Variants in CCDC126 observed in about 807,000 individuals in gnomAD.
The protein encoded by CCDC126 is coiled-coil domain containing 126, also known as coiled-coil domain-containing protein 126.
A neutral mutation model predicts 11.7 loss-of-function variants in CCDC126; 5 were observed. The observed-to-expected ratio is 0.43, with a 90% CI of 0.22 to 0.90. CCDC126 has a LOEUF of 0.90. Ranked by LOEUF, CCDC126 falls within the 40% of genes least tolerant of loss-of-function variation. CCDC126 has a pLI of 0.27. For synonymous variants in CCDC126, 60 were observed against 61.9 expected (o/e 0.97, Z 0.14); for missense variants, 150 against 163.1 (o/e 0.92, Z 0.44).
intron 2 of CCDC126, among the ~76,000 whole-genome samples, chr7:23,600,788 T>C (rs796671335): frequency 6.6e-6 from 1 of 152,220 alleles, no homozygotes; most frequent in South Asian, 2.1e-4. Context: ...TTTGTGTTTT[T>C]AATATTGCTG....
At chr7:23,622,125 T>A (rs1410339119) in intron 3 of CCDC126, among the ~76,000 whole-genome samples, 1 of 152,228 alleles carries the variant, frequency 6.6e-6, no homozygotes, top group Non-Finnish European at 1.5e-5. Context: ...TCCCCCTTTT[T>A]CAGTTGATTG....
Position 23,611,465 on chromosome 7 carries a change from A to C in CCDC126, c.150A>C (p.Leu50=), listed in dbSNP as rs1425208210. Residue 50 remains leucine (L), a synonymous_variant, in exon 3 of 4, where the codon CTA becomes CTC. Transcript: ENST00000307471. ...GTGTCAAGTTACGTGAGCAAATACTAGACTTAAGCAAAAGATATGTTAAAG... is the reference window on the plus strand; with the variant it reads ...GTGTCAAGTTACGTGAGCAAATACTCGACTTAAGCAAAAGATATGTTAAAG... ...QSSVKLREQI[L]DLSKRYVKAL... is the part of the protein sequence containing the mutation. 6.2e-7 allele frequency: 1 copy of C among 1,614,070 alleles called. No individual in the cohort carries two copies. Among genetic ancestry groups the C allele is most frequent in the South Asian group, 1.1e-5 (1 of 91,086 alleles).
intron 3 of CCDC126, among the ~76,000 whole-genome samples, chr7:23,623,945 G>A (rs1782971199): frequency 6.6e-6 from 1 of 152,092 alleles, no homozygotes; most frequent in African/African-American, 2.4e-5. Flanking sequence ...CCAGAACTTT[G>A]CACCTAGTCC....
intron 2 of CCDC126, 21 bp from the exon 3 acceptor site, chr7:23,611,150 T>G (rs1296191989): frequency 3.5e-6 from 2 of 578,198 alleles, no homozygotes; most frequent in African/African-American, 3.7e-5. Flanking sequence ...ACTAATACTG[T>G]TTTTCTTCTT....
At chr7:23,632,798 C>T (rs1288618280) in intron 3 of CCDC126, among the ~76,000 whole-genome samples, 1 of 152,184 alleles carries the variant, frequency 6.6e-6, no homozygotes, top group Non-Finnish European at 1.5e-5. Flanking sequence ...GAAAGTCAAT[C>T]TCAGAATTCC....
intron 3 of CCDC126, among the ~76,000 whole-genome samples, chr7:23,627,864 T>C (rs1036439517): frequency 1.3e-5 from 2 of 152,128 alleles, no homozygotes; most frequent in African/African-American, 2.4e-5. Flanking sequence ...GTTCTGGGAT[T>C]GCAGGTATGA....
intron 3 of CCDC126, among the ~76,000 whole-genome samples, chr7:23,619,111 T>A (rs1305651640): frequency 1.3e-5 from 2 of 152,154 alleles, no homozygotes; most frequent in Non-Finnish European, 2.9e-5. Flanking sequence ...CCTCAACTGC[T>A]CTATCCCCTT....
chr7:23,600,013 G>C (rs1782507340), intron 2 of CCDC126, among the ~76,000 whole-genome samples: 1 of 152,136 alleles, frequency 6.6e-6, no homozygotes, highest in African/African-American at 2.4e-5. Context: ...TTGAATGCCT[G>C]ACCTCAAGTG....
intron 3 of CCDC126, among the ~76,000 whole-genome samples, chr7:23,618,036 G>T (rs1782824412): frequency 6.6e-6 from 1 of 152,192 alleles, no homozygotes; most frequent in South Asian, 2.1e-4. Context: ...GCCAAAGGGA[G>T]ATACGCATAG....
At chr7:23,637,494 C>A (rs1783253417) in intron 3 of CCDC126, among the ~76,000 whole-genome samples, 1 of 90,996 alleles carries the variant, frequency 1.1e-5, no homozygotes. Context: ...GGGTCAGCCC[C>A]CCGCCCGGCC....
intron 2 of CCDC126, among the ~76,000 whole-genome samples, chr7:23,605,819 T>C (rs1171411428): frequency 6.6e-6 from 1 of 152,208 alleles, no homozygotes; most frequent in Non-Finnish European, 1.5e-5. Flanking sequence ...ATTTCTTTTG[T>C]GTATATATCC....
intron 3 of CCDC126, among the ~76,000 whole-genome samples, chr7:23,612,141 G>C (rs1404218233): frequency 7.6e-6 from 1 of 131,706 alleles, no homozygotes; most frequent in Non-Finnish European, 1.6e-5. Flanking sequence ...GCAAGACTCC[G>C]TCTCAAAAAA....
At chr7:23,614,618 T>G (rs1782767034) in intron 3 of CCDC126, among the ~76,000 whole-genome samples, 1 of 152,204 alleles carries the variant, frequency 6.6e-6, no homozygotes, top group South Asian at 2.1e-4. Context: ...TCTGGCCTTA[T>G]GGAATGTATT....
chr7:23,605,568 C>T (rs571065773), intron 2 of CCDC126, among the ~76,000 whole-genome samples: 1 of 152,310 alleles, frequency 6.6e-6, no homozygotes, highest in South Asian at 2.1e-4. Flanking sequence ...TCTTCATCAT[C>T]TCCATCTGAA....
At chr7:23,604,502 C>A (rs1045021141) in intron 2 of CCDC126, among the ~76,000 whole-genome samples, 2 of 152,056 alleles carry the variant, frequency 1.3e-5, no homozygotes, top group African/African-American at 4.8e-5. Context: ...TAATGTTACT[C>A]AGATTACCAA....
chr7:23,637,224 C>T lies in CCDC126; in HGVS notation c.239-5707C>T, dbSNP rs1232414078. On this transcript the variant is annotated intron_variant, in intron 3 of 3. Coordinates refer to ENST00000307471, the MANE Select transcript of CCDC126 (RefSeq NM_138771.4). ...GAGGTGGGGGGGTCAGCCCCCCGCCCGGCCGGCCGCCCCGTTCGGGAGGGA... is the reference window on the plus strand; with the variant it reads ...GAGGTGGGGGGGTCAGCCCCCCGCCTGGCCGGCCGCCCCGTTCGGGAGGGA... 3.1e-4 allele frequency among the ~76,000 whole-genome samples: 16 copies of T among 51,634 alleles called. 3 individuals carry two copies. The highest frequency in any genetic ancestry group is 5.4e-4 in the Non-Finnish European group (14 of 26,166). The allele number at this position is 51,634 out of a possible 152,430, so 33.9% of individuals were successfully genotyped here. A position where few individuals can be genotyped will look rare whatever the true frequency, so the allele number is the denominator to read the frequency against.
At chr7:23,625,022 G>A (rs942312783) in intron 3 of CCDC126, among the ~76,000 whole-genome samples, 6 of 152,014 alleles carry the variant, frequency 3.9e-5, no homozygotes, top group South Asian at 2.1e-4. Flanking sequence ...TTTTGTTGTT[G>A]TTGTTGAGTC....
At chr7:23,605,935 G>A (rs909623193) in intron 2 of CCDC126, among the ~76,000 whole-genome samples, 1 of 151,856 alleles carries the variant, frequency 6.6e-6, no homozygotes, top group African/African-American at 2.4e-5. Context: ...CACCAGCAGA[G>A]CAGAAGAGTT....
intron 2 of CCDC126, among the ~76,000 whole-genome samples, chr7:23,608,142 A>G (rs1782651634): frequency 6.6e-6 from 1 of 152,220 alleles, no homozygotes; most frequent in African/African-American, 2.4e-5. Context: ...GCATGATTCC[A>G]GGGTGGAGTT....
Sources: gnomAD v4.1 joint callset for allele counts (sites outside exome capture counted in the v4.1 genomes callset) on GRCh38, gnomAD v4.1.1 for gene constraint, MANE v1.5 for transcripts, NCBI Gene and HGNC (gene_info 2026-07-23, HGNC 2026-07-21) for gene names.